Variants in MARCHF7 observed in about 807,000 individuals in gnomAD.
MARCHF7 encodes E3 ubiquitin-protein ligase MARCHF7.
Under a neutral mutation model 76.5 loss-of-function variants are expected in MARCHF7, and 20 were observed. The observed-to-expected ratio is 0.26, with a 90% CI of 0.18 to 0.38. The LOEUF (loss-of-function observed/expected upper bound fraction) is 0.38, where lower values mean the gene tolerates loss of function less well. Ranked by LOEUF, MARCHF7 falls within the 10% of genes least tolerant of loss-of-function variation. The probability of loss-of-function intolerance (pLI) is 1.00; values close to 1 mark genes in which losing one functional copy is unlikely to be tolerated. For missense variants in MARCHF7, 797 were observed against 812.9 expected (o/e 0.98, Z 0.24); for synonymous variants, 295 against 293.0 (o/e 1.01, Z -0.07).
intron 4 of MARCHF7, among the ~76,000 whole-genome samples, chr2:159,741,425 T>C (rs1462743744): frequency 6.6e-6 from 1 of 150,762 alleles, no homozygotes; most frequent in Admixed American, 6.6e-5. Flanking sequence ...GTAATGTCTT[T>C]TTTCATTCAT....
At chr2:159,714,241 A>C (rs1240226140) in intron 1 of MARCHF7, among the ~76,000 whole-genome samples, 2 of 152,234 alleles carry the variant, frequency 1.3e-5, no homozygotes, top group South Asian at 2.1e-4. Flanking sequence ...AATCTGTCAA[A>C]TATCTTAAAA....
At chr2:159,764,489 G>T (rs1032332980) in intron 10 of MARCHF7, 137 bp from the exon 11 acceptor site, 11 of 467,008 alleles carry the variant, frequency 2.4e-5, no homozygotes, top group African/African-American at 2.2e-4. Flanking sequence ...TTTGATGTTA[G>T]GGGGAGAAAA....
chr2:159,747,410 T>C (rs1458386281), intron 6 of MARCHF7, among the ~76,000 whole-genome samples: 2 of 152,204 alleles, frequency 1.3e-5, no homozygotes, highest in African/African-American at 4.8e-5. Context: ...ATGGATTTGC[T>C]TTTAATCATT....
intron 7 of MARCHF7, among the ~76,000 whole-genome samples, chr2:159,749,888 A>G (rs1039808132): frequency 6.6e-6 from 1 of 152,242 alleles, no homozygotes; most frequent in Non-Finnish European, 1.5e-5. Flanking sequence ...CTGGATGACC[A>G]TGGATTACCA....
At chr2:159,748,951 G>A (rs765991226) in intron 7 of MARCHF7, 48 bp downstream of exon 7, 5 of 835,034 alleles carry the variant, frequency 6.0e-6, no homozygotes, top group Non-Finnish European at 5.3e-6. Context: ...AATAGAGAAA[G>A]AACTCTTCAT....
At chr2:159,746,766 T>C (rs971643292) in intron 6 of MARCHF7, among the ~76,000 whole-genome samples, 3 of 152,216 alleles carry the variant, frequency 2.0e-5, no homozygotes, top group Non-Finnish European at 4.4e-5. Flanking sequence ...AAGGTGCTAA[T>C]TGAAGTTGAC....
At chr2:159,764,077 T>TTTG (rs1707423214) in intron 10 of MARCHF7, among the ~76,000 whole-genome samples, 1 of 152,204 alleles carries the variant, frequency 6.6e-6, no homozygotes, top group Non-Finnish European at 1.5e-5. Flanking sequence ...AAAGTTCATA[T>TTTG]TAACAAGTTT....
At chr2:159,766,469 A>G (rs1364789555) in intron 11 of MARCHF7, among the ~76,000 whole-genome samples, 1 of 152,206 alleles carries the variant, frequency 6.6e-6, no homozygotes, top group Non-Finnish European at 1.5e-5. Context: ...GTTTTGCCCT[A>G]TAATGGGGGA....
chr2:159,726,218 G>GGTTTTGTTTT (rs71969424), intron 3 of MARCHF7, among the ~76,000 whole-genome samples: 82 of 127,944 alleles, frequency 6.4e-4, no homozygotes, highest in Middle Eastern at 4.4e-3. Flanking sequence ...TCCAGATACA[G>GGTTTTGTTTT]GTTTTGTTTT....
At chr2:159,721,236 A>G (rs953196122) in intron 3 of MARCHF7, among the ~76,000 whole-genome samples, 6 of 152,130 alleles carry the variant, frequency 3.9e-5, no homozygotes, top group Non-Finnish European at 7.4e-5. Flanking sequence ...TGGCCTGTTA[A>G]GATTCCTTAC....
At chr2:159,720,188 G>A (rs754041554) in intron 3 of MARCHF7, among the ~76,000 whole-genome samples, 9 of 152,100 alleles carry the variant, frequency 5.9e-5, no homozygotes, top group African/African-American at 9.7e-5. Context: ...ACCATGCCCC[G>A]CTAATTTTTG....
chr2:159,741,443 G>C (rs781252200), intron 4 of MARCHF7, among the ~76,000 whole-genome samples: 17 of 137,762 alleles, frequency 1.2e-4, no homozygotes, highest in African/African-American at 4.1e-4. Context: ...CATCTACCCC[G>C]TGAACTTCAG....
chr2:159,715,792 T>G (rs1700968793), intron 3 of MARCHF7, 26 bp downstream of exon 3: 2 of 151,926 alleles, frequency 1.3e-5, no homozygotes, highest in African/African-American at 4.8e-5. Context: ...GGTTTTAAAA[T>G]CACCTGCTGC....
chr2:159,766,587 C>G (rs1030455802), intron 11 of MARCHF7, among the ~76,000 whole-genome samples: 1 of 151,928 alleles, frequency 6.6e-6, no homozygotes, highest in Non-Finnish European at 1.5e-5. Context: ...CTAAAGACAC[C>G]CAGGATGCTT....
chr2:159,767,433 A>G lies in MARCHF7; in HGVS notation c.*91A>G. ...AATTACTTTTGTGGGGGAATGCCTA[A>G]TAAATACATTGACTATATATAAAAT... On this transcript the variant is annotated 3_prime_UTR_variant, in exon 12 of 12. Transcript: ENST00000409175. 1.2e-6 allele frequency: 1 copy of G among 827,486 alleles called. No homozygotes were observed. Among genetic ancestry groups the G allele is most frequent in the South Asian group, 1.5e-5 (1 of 66,774 alleles). The allele number at this position is 827,486 out of a possible 1,614,324, so 51.3% of individuals were successfully genotyped here. A position where few individuals can be genotyped will look rare whatever the true frequency, so the allele number is the denominator to read the frequency against.
intron 5 of MARCHF7, among the ~76,000 whole-genome samples, chr2:159,743,822 C>T (rs1311916047): frequency 2.6e-5 from 4 of 151,388 alleles, no homozygotes; most frequent in Admixed American, 6.6e-5. Flanking sequence ...GCTGGAGGAT[C>T]GCTTGGTCCC....
At chr2:159,729,242 G>A in intron 4 of MARCHF7, 67 bp downstream of exon 4, 6 of 1,156,944 alleles carry the variant, frequency 5.2e-6, no homozygotes, top group South Asian at 4.6e-5. Context: ...CTCTTTTGGG[G>A]GTATTTAAAA....
At position 159,722,108 on chromosome 2, in the gene MARCHF7, A is replaced by G. The variant is rs1035588145; in HGVS notation, c.-15+6342A>G. 4.6e-5 allele frequency among the ~76,000 whole-genome samples: 7 copies of G among 152,278 alleles called. No homozygotes were observed. The South Asian group carries it at 1.4e-3, about 32-fold the overall frequency. On this transcript the variant is annotated intron_variant, in intron 3 of 11. Coordinates refer to ENST00000409175, the MANE Select transcript of MARCHF7 (RefSeq NM_001282805.2). Reference sequence around the variant, plus strand: ...CATTAAGCTTCAAATGCCTCTTTCCAGTAGTCTGCTCTTGCTTATACCTTT... The same window carrying G: ...CATTAAGCTTCAAATGCCTCTTTCCGGTAGTCTGCTCTTGCTTATACCTTT...
intron 4 of MARCHF7, among the ~76,000 whole-genome samples, chr2:159,736,716 G>A (rs1299747157): frequency 3.9e-5 from 6 of 152,186 alleles, no homozygotes; most frequent in African/African-American, 1.4e-4. Context: ...TGTTGGAAAG[G>A]TGGTATGAAT....
Sources: gnomAD v4.1 joint callset for allele counts (sites outside exome capture counted in the v4.1 genomes callset) on GRCh38, gnomAD v4.1.1 for gene constraint, MANE v1.5 for transcripts, NCBI Gene and HGNC (gene_info 2026-07-23, HGNC 2026-07-21) for gene names.